B3GAT1: variants seen among roughly 807,000 people sequenced by gnomAD.
The protein encoded by B3GAT1 is beta-1,3-glucuronyltransferase 1, also known as galactosylgalactosylxylosylprotein 3-beta-glucuronosyltransferase 1.
Under a neutral mutation model 28.4 loss-of-function variants are expected in B3GAT1, and 11 were observed. The ratio of observed to expected loss-of-function variants is 0.39; its 90% CI spans 0.24 to 0.64. The LOEUF is 0.64. Ranked by LOEUF, B3GAT1 falls within the 30% of genes least tolerant of loss-of-function variation. The pLI is 0.50. For synonymous variants in B3GAT1, 255 were observed against 223.1 expected, an observed-to-expected ratio of 1.14 and a Z score of -1.27; for missense variants, 375 against 491.0, an observed-to-expected ratio of 0.76 and a Z score of 2.23.
At chr11:134,402,794 T>TC (rs1251298381) in intron 1 of B3GAT1, among the ~76,000 whole-genome samples, 1 of 151,466 alleles carries the variant, frequency 6.6e-6, no homozygotes, top group Non-Finnish European at 1.5e-5. Flanking sequence ...GTGCCTATAA[T>TC]CCCAGCTACT....
intron 1 of B3GAT1, chr11:134,389,646 G>A (rs1944367591): frequency 6.6e-6 from 1 of 152,584 alleles, no homozygotes; most frequent in African/African-American, 2.4e-5. Flanking sequence ...GGCAGCCTCG[G>A]GCAGCCCAGC....
At chr11:134,386,412 AG>A (rs1944286734) in intron 2 of B3GAT1, 1 of 46,634 alleles carries the variant, frequency 2.1e-5, no homozygotes, top group Admixed American at 2.6e-4. Context: ...TAAGTGGGGG[AG>A]GGGGCAGAAA....
chr11:134,387,747 G>A lies in B3GAT1; in HGVS notation c.-88C>T, dbSNP rs1340350217. ...GCGGCCACGGGCGGCGGCAGCACAG[G>A]GGAGAAAAGAACAGGCATGGGCCGG... On this transcript the variant is annotated 5_prime_UTR_variant, in exon 2 of 6. Coordinates refer to ENST00000312527, the MANE Select transcript of B3GAT1 (RefSeq NM_054025.3). 1 of 1,578,086 alleles carries A rather than the reference G, an allele frequency of 6.3e-7. No individual in the cohort carries two copies. The highest frequency in any genetic ancestry group is 8.6e-7 in the Non-Finnish European group (1 of 1,163,266).
At chr11:134,387,124 CCGA>C (rs1466441569) in intron 2 of B3GAT1, 1 of 193,784 alleles carries the variant, frequency 5.2e-6, no homozygotes, top group Non-Finnish European at 1.1e-5. Flanking sequence ...AGCTCAGCTG[CCGA>C]CAGTGCTTCG....
rs558527365 is a variant in B3GAT1 at position 134,404,008 on chromosome 11, T to C, written c.-282+7799A>G. ...TTATATATATATATATATATATATATATATATATATATATATATATATTTA... is the reference window on the plus strand; with the variant it reads ...TTATATATATATATATATATATATACATATATATATATATATATATATTTA... On this transcript the variant is annotated intron_variant, in intron 1 of 5. Coordinates refer to ENST00000312527, the MANE Select transcript of B3GAT1 (RefSeq NM_054025.3). 1.7e-4 allele frequency among the ~76,000 whole-genome samples: 17 copies of C among 97,994 alleles called. 1 individual carries two copies. The highest frequency in any genetic ancestry group is 5.9e-4 in the East Asian group (2 of 3,386). 64.3% of individuals were successfully genotyped at this position (97,994 alleles called of 152,430 possible). A position where few individuals can be genotyped will look rare whatever the true frequency, so the allele number is the denominator to read the frequency against.
At position 134,387,553 on chromosome 11, in the gene B3GAT1, T is replaced by C; in HGVS notation, c.107A>G (p.His36Arg). ...GGGCATGCGTGCGTGCTCACCCTTATGTACCGCGAGCAGGGGTGCGAGGGT... is the reference window on the plus strand; with the variant it reads ...GGGCATGCGTGCGTGCTCACCCTTACGTACCGCGAGCAGGGGTGCGAGGGT... ...QSTLAPLLAV[H>R]KDEGSDPRRE... The change falls in exon 2 of 6, where the codon CAT becomes CGT. Residue 36 changes from histidine (H) to arginine (R), a missense_variant. His to Arg is a conservative substitution (Grantham distance 29). Coordinates refer to ENST00000312527, the MANE Select transcript of B3GAT1 (RefSeq NM_054025.3). The C allele has an allele frequency of 6.2e-7, 1 of 1,613,968 alleles. No homozygotes were observed. Among genetic ancestry groups the C allele is most frequent in the Non-Finnish European group, 8.5e-7 (1 of 1,180,024 alleles).
In B3GAT1 at chr11:134,393,139, C is replaced by A. The variant is rs1176032305; in HGVS notation, c.-281-5199G>T. Reference sequence around the variant, plus strand: ...CTCAGACACTGTCCGAGGTACTCATCCCTGGAGGACGAGAAAGGCCTTTTT... The same window carrying A: ...CTCAGACACTGTCCGAGGTACTCATACCTGGAGGACGAGAAAGGCCTTTTT... On this transcript the variant is annotated intron_variant, in intron 1 of 5. Coordinates refer to ENST00000312527, the MANE Select transcript of B3GAT1 (RefSeq NM_054025.3). This position sits in a 1 kb window ranked among gnomAD's most constrained non-coding sequence, Gnocchi z 4.0. 6.6e-6 allele frequency among the ~76,000 whole-genome samples: 1 copy of A among 152,146 alleles called. No individual in the cohort carries two copies. The highest frequency in any genetic ancestry group is 1.9e-4 in the East Asian group (1 of 5,196).
intron 1 of B3GAT1, among the ~76,000 whole-genome samples, chr11:134,406,848 T>A (rs1023578673): frequency 2.0e-5 from 3 of 151,520 alleles, no homozygotes; most frequent in African/African-American, 7.3e-5. Context: ...ACCTGGCACT[T>A]AGCCACCCTG....
intron 1 of B3GAT1, chr11:134,389,383 G>A (rs1944362296): frequency 6.6e-6 from 1 of 152,608 alleles, no homozygotes; most frequent in South Asian, 2.1e-4. Flanking sequence ...GCCACATTGA[G>A]GGGAGACAGT....
chr11:134,382,891 T>G lies in B3GAT1; in HGVS notation c.737A>C (p.Asp246Ala). ...GKVVGWKTVF[D>A]PHRPFAIDMA... ...GTCTATTGCAAATGGCCGGTGGGGG[T>G]CAAACACCGTCTTCCAGCCGACCAC... is the stretch of plus-strand genomic sequence containing the variant. The change falls in exon 4 of 6, where the codon GAC becomes GCC. Residue 246 changes from aspartate to alanine, a missense_variant. Transcript: ENST00000312527. 1 of 1,613,106 alleles carries G rather than the reference T, an allele frequency of 6.2e-7. No individual in the cohort carries two copies. Among genetic ancestry groups the G allele is most frequent in the Non-Finnish European group, 8.5e-7 (1 of 1,179,808 alleles).
intron 4 of B3GAT1, 94 bp downstream of exon 4, chr11:134,382,616 T>A: frequency 6.9e-6 from 10 of 1,446,670 alleles, no homozygotes; most frequent in Non-Finnish European, 9.3e-6. Flanking sequence ...CCAGGCTATT[T>A]TGAGGCCTCT....
chr11:134,404,033 A>AT (rs1555098489), intron 1 of B3GAT1, among the ~76,000 whole-genome samples: 7 of 110,830 alleles, frequency 6.3e-5, no homozygotes, highest in African/African-American at 1.4e-4. Context: ...ATATATATTT[A>AT]TTATACGTTA....
At chr11:134,383,079 G>A (rs1422484101) in intron 3 of B3GAT1, 73 bp from the exon 4 acceptor site, 15 of 1,445,488 alleles carry the variant, frequency 1.0e-5, no homozygotes, top group African/African-American at 1.4e-5. Flanking sequence ...CAAGGGAGGC[G>A]ACATCCTTCA....
intron 1 of B3GAT1, among the ~76,000 whole-genome samples, chr11:134,395,747 T>G (rs1944493110): frequency 6.6e-6 from 1 of 152,126 alleles, no homozygotes; most frequent in South Asian, 2.1e-4. Context: ...ATGTCCCCAC[T>G]CCCAAGACAA....
At chr11:134,405,727 C>T (rs1438468398) in intron 1 of B3GAT1, among the ~76,000 whole-genome samples, 1 of 151,072 alleles carries the variant, frequency 6.6e-6, no homozygotes, top group Non-Finnish European at 1.5e-5. Context: ...TGCTCTGTGG[C>T]CCCTAGACAG....
chr11:134,409,199 CAGATGG>C (rs1944801998), intron 1 of B3GAT1, among the ~76,000 whole-genome samples: 1 of 152,196 alleles, frequency 6.6e-6, no homozygotes, highest in Admixed American at 6.5e-5. Context: ...CGGCTAGCCA[CAGATGG>C]AGATGAGACT....
intron 1 of B3GAT1, among the ~76,000 whole-genome samples, chr11:134,402,831 T>C (rs1026602168): frequency 1.3e-5 from 2 of 151,604 alleles, no homozygotes; most frequent in African/African-American, 4.9e-5. Flanking sequence ...GAGAATAACT[T>C]GAGCCCGGGA....
intron 4 of B3GAT1, 92 bp from the exon 5 acceptor site, chr11:134,382,116 T>A: frequency 1.0e-6 from 1 of 954,770 alleles, no homozygotes. Flanking sequence ...TAAACATTTC[T>A]CCTGCCCCTC....
intron 1 of B3GAT1, among the ~76,000 whole-genome samples, chr11:134,399,149 G>T (rs557458610): frequency 3.3e-5 from 5 of 152,286 alleles, no homozygotes; most frequent in African/African-American, 1.2e-4. Context: ...ACTTGCTCCT[G>T]TTCAGAGGTT....
Sources: allele counts gnomAD v4.1 joint callset (sites outside exome capture counted in the v4.1 genomes callset), GRCh38; gene constraint gnomAD v4.1.1; non-coding constraint Gnocchi (gnomAD v3.1); transcripts MANE v1.5; gene names NCBI Gene and HGNC (gene_info 2026-07-23, HGNC 2026-07-21).